The following CYP24A1 variants were observed in gnomAD, a reference collection of about 807,000 sequenced individuals.
CYP24A1 encodes the protein 1,25-dihydroxyvitamin D(3) 24-hydroxylase, mitochondrial.
In CYP24A1, 68 loss-of-function variants were observed where a neutral mutation model predicts 62.4. The ratio of observed to expected loss-of-function variants is 1.09; its 90% CI spans 0.90 to 1.33. The LOEUF (loss-of-function observed/expected upper bound fraction) is 1.33. Among genes scored for constraint, CYP24A1 ranks in the 40% most tolerant of loss-of-function variants. The pLI is 0.00. For synonymous variants in CYP24A1, 267 were observed against 253.0 expected, an observed-to-expected ratio of 1.06 and a Z score of -0.52; for missense variants, 787 against 653.0, an observed-to-expected ratio of 1.21 and a Z score of -2.24.
rs2092619856 is a variant in CYP24A1 at position 54,154,476 on chromosome 20, T to A, written c.*296A>T. On this transcript the variant is annotated 3_prime_UTR_variant, in exon 12 of 12. Coordinates refer to ENST00000216862, the MANE Select transcript of CYP24A1 (RefSeq NM_000782.5). ...AGAAAATTTAGCTGTTGTAGGTCAT[T>A]CATTGTGAAATGTAAACTTATTCTT... The A allele has an allele frequency of 6.6e-6, 1 of 152,246 alleles. No homozygotes were observed. Among genetic ancestry groups the A allele is most frequent in the African/African-American group, 2.4e-5 (1 of 41,456 alleles). The allele number at this position is 152,246 out of a possible 1,614,324, so 9.4% of individuals were successfully genotyped here. A position where few individuals can be genotyped will look rare whatever the true frequency, so the allele number is the denominator to read the frequency against.
chr20:54,173,015 G>A lies in CYP24A1; in HGVS notation c.343C>T (p.Leu115=). ...ESVHLGSPCL[L]EALYRTESAY... ...CTCTCGGTGCGGTACAGCGCTTCCA[G>A]CAGGCATGGCGAGCCCAGGTGCACC... The change falls in exon 2 of 12, where the codon CTG becomes TTG. Residue 115 remains leucine, a synonymous_variant. Coordinates refer to ENST00000216862, the MANE Select transcript of CYP24A1 (RefSeq NM_000782.5). The surrounding 1 kb of genome is among the most constrained non-coding windows in gnomAD (Gnocchi z 7.2). The A allele has an allele frequency of 6.2e-7, 1 of 1,611,190 alleles. No homozygotes were observed. The highest frequency in any genetic ancestry group is 8.5e-7 in the Non-Finnish European group (1 of 1,180,026).
At chr20:54,172,855 C>CCGTCAGGCT in intron 2 of CYP24A1, 54 bp downstream of exon 2, 2 of 1,611,288 alleles carry the variant, frequency 1.2e-6, no homozygotes, top group East Asian at 2.2e-5. Flanking sequence ...TTTCCAGGCG[C>CCGTCAGGCT]CGTCAGGCTC....
the CYP24A1 span, among the ~76,000 whole-genome samples, chr20:54,145,443 C>A: frequency 2.6e-5 from 4 of 152,140 alleles, no homozygotes; most frequent in South Asian, 8.3e-4. Flanking sequence ...AGTTGGAGAC[C>A]AGCCTGGGTA....
rs751551165 is a variant in CYP24A1 at position 54,165,786 on chromosome 20, T to A, written c.688A>T (p.Asn230Tyr). The change falls in exon 5 of 12, where the codon AAT (asparagine) becomes TAT (tyrosine). Residue 230 changes from asparagine (N) to tyrosine (Y), a missense_variant. Transcript: ENST00000216862. ...YEKRFGLLQK[N>Y]AGDEAVNFIM... ...AAGTTCACAGCTTCATCCCCTGCAT[T>A]CTTCTGGAGAAGCCCAAATCTCTTC... 6.5e-7 allele frequency: 1 copy of A among 1,546,416 alleles called. No individual in the cohort carries two copies. The highest frequency in any genetic ancestry group is 1.1e-5 in the South Asian group (1 of 89,790).
chr20:54,155,043 G>GA (rs2092622613), intron 11 of CYP24A1: 1 of 112,084 alleles, frequency 8.9e-6, no homozygotes, highest in South Asian at 3.1e-4. Context: ...ATTAGCCAAA[G>GA]AAAAAATGCT....
intron 5 of CYP24A1, 151 bp downstream of exon 5, chr20:54,165,591 C>A: frequency 1.4e-6 from 1 of 689,900 alleles, no homozygotes; most frequent in Non-Finnish European, 2.6e-6. Flanking sequence ...CATAAATATA[C>A]TAAAATATAT....
At chr20:54,171,878 A>C in intron 2 of CYP24A1, 1 of 1,252,948 alleles carries the variant, frequency 8.0e-7, no homozygotes, top group South Asian at 1.6e-5. Flanking sequence ...ATGAAAAAGC[A>C]CCTTTCCTCC....
chr20:54,162,634 G>T, intron 7 of CYP24A1, 83 bp downstream of exon 7: 2 of 853,120 alleles, frequency 2.3e-6, no homozygotes, highest in South Asian at 1.3e-5. Context: ...TGAAATGAAT[G>T]AGATGAATTA....
At chr20:54,145,714 C>T in the CYP24A1 span, among the ~76,000 whole-genome samples, 1 of 151,504 alleles carries the variant, frequency 6.6e-6, no homozygotes, top group Admixed American at 6.6e-5. Flanking sequence ...CAATTGCCTG[C>T]TTCATCAAAA....
rs538344226 is a variant in CYP24A1 at position 54,154,238 on chromosome 20, T to A, written c.*534A>T. 3 of 152,372 alleles carry A rather than the reference T, an allele frequency of 2.0e-5. No homozygotes were observed. Among genetic ancestry groups the A allele is most frequent in the Admixed American group, 2.0e-4 (3 of 15,310 alleles). The allele number at this position is 152,372 out of a possible 1,614,324, so 9.4% of individuals were successfully genotyped here. ...AGTGAATCACTAGTCTTATAAGTTGTTTGACTTCGTTAAAGTCCTTTTAAA... is the reference window on the plus strand; with the variant it reads ...AGTGAATCACTAGTCTTATAAGTTGATTGACTTCGTTAAAGTCCTTTTAAA... On this transcript the variant is annotated 3_prime_UTR_variant, in exon 12 of 12. Coordinates refer to ENST00000216862, the MANE Select transcript of CYP24A1 (RefSeq NM_000782.5).
At position 54,172,986 on chromosome 20, in the gene CYP24A1, C is replaced by A; in HGVS notation, c.372G>T (p.Ala124=). ...GTTTGATCTCCAGCCGCTGCGGGTA[C>A]GCGCTCTCGGTGCGGTACAGCGCTT... ...LLEALYRTES[A]YPQRLEIKPW... The change falls in exon 2 of 12, where the codon GCG becomes GCT. Residue 124 remains alanine, a synonymous_variant. Coordinates refer to ENST00000216862, the MANE Select transcript of CYP24A1 (RefSeq NM_000782.5). The A allele has an allele frequency of 6.2e-7, 1 of 1,612,892 alleles. No individual in the cohort carries two copies. The highest frequency in any genetic ancestry group is 8.5e-7 in the Non-Finnish European group (1 of 1,180,048).
chr20:54,173,462 C>G lies in CYP24A1; in HGVS notation c.118G>C (p.Glu40Gln). 1 of 1,567,232 alleles carries G rather than the reference C, an allele frequency of 6.4e-7. No individual in the cohort carries two copies. The highest frequency in any genetic ancestry group is 1.2e-5 in the South Asian group (1 of 85,498). Reference sequence around the variant, plus strand: ...GCTGTCAGCGGGCAGACTGGCACCTCTCGCGGCTGAGGGGACGTGTACGCC... The same window carrying G: ...GCTGTCAGCGGGCAGACTGGCACCTGTCGCGGCTGAGGGGACGTGTACGCC... Reference protein sequence around the residue: ...STAYTSPQPREVPVCPLTAGG... With the variant: ...STAYTSPQPRQVPVCPLTAGG... Residue 40 changes from glutamate to glutamine, a missense_variant, in exon 1 of 12, where the codon GAG becomes CAG. Glu to Gln is a conservative substitution (Grantham distance 29). Coordinates refer to ENST00000216862, the MANE Select transcript of CYP24A1 (RefSeq NM_000782.5). This position sits in a 1 kb window ranked among gnomAD's most constrained non-coding sequence, Gnocchi z 7.2.
chr20:54,169,647 A>G lies in CYP24A1; in HGVS notation c.585T>C (p.Asp195=), dbSNP rs767426961. 3.7e-6 allele frequency: 6 copies of G among 1,614,210 alleles called. No individual in the cohort carries two copies. The South Asian group carries it at 4.4e-5, about 12-fold the overall frequency. The part of the protein sequence containing the change: ...DFMGRIDELC[D]ERGHVEDLYS... ...ACAAGTCTTCAACGTGGCCTCTTTC[A>G]TCACAGAGCTCATCTATTCTGCCCA... The change falls in exon 4 of 12, where the codon GAT becomes GAC. Residue 195 remains aspartate (D), a synonymous_variant. Coordinates refer to ENST00000216862, the MANE Select transcript of CYP24A1 (RefSeq NM_000782.5).
chr20:54,168,790 TCTG>T (rs2092682194), intron 4 of CYP24A1, among the ~76,000 whole-genome samples: 1 of 48,880 alleles, frequency 2.0e-5, no homozygotes, highest in African/African-American at 8.6e-5. Flanking sequence ...CTCCCTCCCT[TCTG>T]CCTTCCCTCC....
At chr20:54,158,411 T>C (rs911110191) in intron 8 of CYP24A1, among the ~76,000 whole-genome samples, 4 of 152,218 alleles carry the variant, frequency 2.6e-5, no homozygotes, top group African/African-American at 4.8e-5. Context: ...AACGTTGGTT[T>C]TCCCCCTTCA....
Position 54,171,622 on chromosome 20 carries a change from T to C in CYP24A1, c.498A>G (p.Leu166=), listed in dbSNP as rs538419090. The change falls in exon 3 of 12, where the codon CTA becomes CTG. Residue 166 remains leucine, a synonymous_variant. Coordinates refer to ENST00000216862, the MANE Select transcript of CYP24A1 (RefSeq NM_000782.5). ...QRVRSAFQKK[L]MKPGEVMKLD... ...GCTTCATCACTTCCCCTGGTTTCATTAGTTTCTTTTGAAAGGCACTCCGGA... is the reference window on the plus strand; with the variant it reads ...GCTTCATCACTTCCCCTGGTTTCATCAGTTTCTTTTGAAAGGCACTCCGGA... The C allele has an allele frequency of 3.1e-6, 5 of 1,613,942 alleles. No homozygotes were observed. In the East Asian group the frequency reaches 8.9e-5, roughly 29 times the overall value.
chr20:54,158,956 C>A lies in CYP24A1; in HGVS notation c.1157+1G>T, dbSNP rs1256040969. The A allele has an allele frequency of 6.2e-7, 1 of 1,614,152 alleles. No homozygotes were observed. Among genetic ancestry groups the A allele is most frequent in the Admixed American group, 1.7e-5 (1 of 60,026 alleles). On this transcript the variant is annotated splice_donor_variant, in intron 8 of 11. Transcript: ENST00000216862. LOFTEE classifies it high-confidence loss of function. ...ATATTGGCTCAGAGATAGGCTCTTA[C>A]CTCATAGATTCTTTCAGACAGGCTT...
At chr20:54,169,501 T>G in intron 4 of CYP24A1, 91 bp downstream of exon 4, 1 of 1,599,000 alleles carries the variant, frequency 6.3e-7, no homozygotes, top group Non-Finnish European at 8.5e-7. Flanking sequence ...GCAGCAATAA[T>G]GCCTGTTTAC....
At chr20:54,150,317 T>A (rs2092610646), downstream of CYP24A1, among the ~76,000 whole-genome samples, 1 of 152,214 alleles carries the variant, frequency 6.6e-6, no homozygotes, top group Admixed American at 6.5e-5. Flanking sequence ...CATGCTGATA[T>A]AGCAGGAAAA....
Sources: gnomAD v4.1 joint callset for allele counts (sites outside exome capture counted in the v4.1 genomes callset) on GRCh38, gnomAD v4.1.1 for gene constraint, Gnocchi (gnomAD v3.1) non-coding constraint, MANE v1.5 for transcripts, NCBI Gene and HGNC (gene_info 2026-07-23, HGNC 2026-07-21) for gene names.